The following BRINP3 variants were observed in gnomAD, a reference collection of about 807,000 sequenced individuals.
BRINP3 encodes BMP/retinoic acid-inducible neural-specific protein 3.
In BRINP3, 19 loss-of-function variants were observed where a neutral mutation model predicts 71.0. The observed-to-expected ratio is 0.27, with a 90% CI of 0.19 to 0.39. The LOEUF (loss-of-function observed/expected upper bound fraction) is 0.39. Ranked by LOEUF, BRINP3 falls within the 10% of genes least tolerant of loss-of-function variation. The pLI is 1.00. For missense variants in BRINP3, 959 were observed against 940.8 expected, an observed-to-expected ratio of 1.02 and a Z score of -0.25; for synonymous variants, 380 against 337.7, an observed-to-expected ratio of 1.13 and a Z score of -1.37.
intron 6 of BRINP3, among the ~76,000 whole-genome samples, chr1:190,195,311 T>A (rs1037870243): frequency 3.4e-4 from 51 of 151,980 alleles, no homozygotes; most frequent in African/African-American, 1.2e-3. Context: ...ATCTATAAAA[T>A]AAGACCGATT....
At chr1:190,118,616 T>A (rs1049629419) in intron 7 of BRINP3, among the ~76,000 whole-genome samples, 7 of 152,168 alleles carry the variant, frequency 4.6e-5, no homozygotes, top group African/African-American at 1.7e-4. Flanking sequence ...AACTTTAACA[T>A]GAACATTGAA....
At chr1:190,452,401 G>A (rs1244734306) in intron 2 of BRINP3, among the ~76,000 whole-genome samples, 2 of 152,266 alleles carry the variant, frequency 1.3e-5, no homozygotes, top group Admixed American at 6.5e-5. Context: ...GACATAGTAA[G>A]GATAAGTAGC....
chr1:190,323,201 C>T (rs569908672), intron 2 of BRINP3, among the ~76,000 whole-genome samples: 7 of 152,026 alleles, frequency 4.6e-5, no homozygotes, highest in African/African-American at 1.4e-4. Context: ...TAATAAGGAA[C>T]AAATAAGGAG....
intron 2 of BRINP3, among the ~76,000 whole-genome samples, chr1:190,290,586 T>C (rs1364623114): frequency 6.6e-6 from 1 of 152,138 alleles, no homozygotes; most frequent in Admixed American, 6.6e-5. Flanking sequence ...ATACTAGTGT[T>C]CATTAAACAT....
chr1:190,346,459 T>C (rs944173063), intron 2 of BRINP3, among the ~76,000 whole-genome samples: 3 of 152,116 alleles, frequency 2.0e-5, no homozygotes, highest in African/African-American at 7.2e-5. Flanking sequence ...ATTTCTGTAC[T>C]ATTTTCTCTG....
intron 2 of BRINP3, among the ~76,000 whole-genome samples, chr1:190,317,514 T>A (rs1275651443): frequency 6.6e-6 from 1 of 152,186 alleles, no homozygotes; most frequent in Non-Finnish European, 1.5e-5. Context: ...TGTCATTTTA[T>A]GTTGCACATT....
intron 2 of BRINP3, among the ~76,000 whole-genome samples, chr1:190,361,206 A>C (rs1571859424): frequency 6.6e-6 from 1 of 152,056 alleles, no homozygotes; most frequent in African/African-American, 2.4e-5. Flanking sequence ...GAGGGCATTA[A>C]GGCTCAGAGG....
At chr1:190,166,254 G>A (rs558131742) in intron 6 of BRINP3, among the ~76,000 whole-genome samples, 83 of 152,208 alleles carry the variant, frequency 5.5e-4, no homozygotes, top group Non-Finnish European at 9.1e-4. Context: ...GGTACATAAG[G>A]GTATAAATCA....
At chr1:190,245,555 A>G (rs182386113) in intron 4 of BRINP3, among the ~76,000 whole-genome samples, 110 of 152,200 alleles carry the variant, frequency 7.2e-4, no homozygotes, top group African/African-American at 2.5e-3. Context: ...TTAATTATTT[A>G]TCTTAAAAAA....
chr1:190,130,759 T>C (rs958742395), intron 7 of BRINP3, among the ~76,000 whole-genome samples: 6 of 152,128 alleles, frequency 3.9e-5, no homozygotes, highest in Non-Finnish European at 7.4e-5. Context: ...ACACAGTCAG[T>C]ATGAATGGCA....
chr1:190,168,209 G>GTA lies in BRINP3; in HGVS notation c.962-7321_962-7320dup, dbSNP rs10599869. Among the ~76,000 whole-genome samples the GTA allele has an allele frequency of 3.0e-3, 440 of 144,630 alleles. 1 individual carries two copies. Among genetic ancestry groups the GTA allele is most frequent in the East Asian group, 0.02 (96 of 4,736 alleles). The allele number at this position is 144,630 out of a possible 152,430, so 94.9% of individuals were successfully genotyped here. A position where few individuals can be genotyped will look rare whatever the true frequency, so the allele number is the denominator to read the frequency against. On this transcript the variant is annotated intron_variant, in intron 6 of 7. Coordinates refer to ENST00000367462, the MANE Select transcript of BRINP3 (RefSeq NM_199051.3). ...AGTGCCTTGAGGTCCTATTTAATTT[G>GTA]TATATATATATATATATAAAAAGCA...
intron 7 of BRINP3, among the ~76,000 whole-genome samples, chr1:190,128,920 C>T (rs867043449): frequency 1.3e-5 from 2 of 151,526 alleles, no homozygotes; most frequent in East Asian, 3.9e-4. Context: ...ATACCAATAC[C>T]GGTTCTACAG....
rs993132054 is a variant in BRINP3 at position 190,156,712 on chromosome 1, C to T, written c.1184+3956G>A. On this transcript the variant is annotated intron_variant, in intron 7 of 7. Transcript: ENST00000367462. ...TGACTAATAGTCAACTTAGGAATTA[C>T]GCTAAATTAAAAAAAAGGAAGTCAA... Among the ~76,000 whole-genome samples the T allele has an allele frequency of 9.2e-5, 14 of 151,682 alleles. No individual in the cohort carries two copies. The East Asian group carries it at 1.4e-3, about 15-fold the overall frequency.
At chr1:190,381,670 C>G (rs1210388663) in intron 2 of BRINP3, among the ~76,000 whole-genome samples, 1 of 151,996 alleles carries the variant, frequency 6.6e-6, no homozygotes, top group African/African-American at 2.4e-5. Context: ...CATTAAATAT[C>G]AAATAATAAT....
In BRINP3 at chr1:190,198,782, T is replaced by A. The variant is rs1654727864; in HGVS notation, c.961+27300A>T. ...TTGGTAAAAACAAAATCAACAAGTC[T>A]CTAAGAAGTTCCAAACTTTCCTATA... On this transcript the variant is annotated intron_variant, in intron 6 of 7. Transcript: ENST00000367462. Among the ~76,000 whole-genome samples the A allele has an allele frequency of 2.6e-5, 4 of 152,156 alleles. No homozygotes were observed. In the South Asian group the frequency reaches 8.3e-4, roughly 32 times the overall value.
chr1:190,218,660 T>A (rs12122665), intron 6 of BRINP3, among the ~76,000 whole-genome samples: 58,949 of 151,808 alleles, frequency 0.39, 12,864 homozygotes, highest in Non-Finnish European at 0.49. Flanking sequence ...CATGCTATGC[T>A]ATAGATCTCA....
At chr1:190,307,270 T>TG (rs1304422426) in intron 2 of BRINP3, among the ~76,000 whole-genome samples, 59 of 125,040 alleles carry the variant, frequency 4.7e-4, no homozygotes, top group Non-Finnish European at 7.9e-4. Context: ...TTTTTTTTTT[T>TG]TTTTTTTTTT....
intron 7 of BRINP3, among the ~76,000 whole-genome samples, chr1:190,111,139 C>T (rs556943632): frequency 3.5e-3 from 473 of 135,668 alleles, no homozygotes; most frequent in African/African-American, 0.012. Flanking sequence ...GATTGGGCCA[C>T]TGCACTCCAG....
At chr1:190,365,806 GTATATATATA>G (rs66540359) in intron 2 of BRINP3, among the ~76,000 whole-genome samples, 11 of 127,872 alleles carry the variant, frequency 8.6e-5, no homozygotes, top group South Asian at 2.5e-4. Context: ...GAGAGCAAGT[GTATATATATA>G]TATATATATA....
Sources: gnomAD v4.1 joint callset for allele counts (sites outside exome capture counted in the v4.1 genomes callset) on GRCh38, gnomAD v4.1.1 for gene constraint, MANE v1.5 for transcripts, NCBI Gene and HGNC (gene_info 2026-07-23, HGNC 2026-07-21) for gene names.